The following DLGAP2 variants were observed in gnomAD, a reference collection of about 807,000 sequenced individuals.
DLGAP2 encodes disks large-associated protein 2.
A neutral mutation model predicts 100.3 loss-of-function variants in DLGAP2; 26 were observed. That is an observed-to-expected ratio of 0.26 (90% CI 0.19 to 0.36). DLGAP2 has a LOEUF of 0.36. Ranked by LOEUF, DLGAP2 falls within the 10% of genes least tolerant of loss-of-function variation. The pLI is 1.00. For missense variants in DLGAP2, 1,858 were observed against 1,453.2 expected (o/e 1.28, Z -4.53); for synonymous variants, 886 against 630.1 (o/e 1.41, Z -6.08).
chr8:1,453,269 G>T (rs1447847779), intron 3 of DLGAP2, among the ~76,000 whole-genome samples: 1 of 152,160 alleles, frequency 6.6e-6, no homozygotes, highest in Non-Finnish European at 1.5e-5. Context: ...GGTCAGGCTG[G>T]GGAGAAGCAG....
At chr8:1,481,128 C>T (rs1040917598) in intron 3 of DLGAP2, among the ~76,000 whole-genome samples, 13 of 151,976 alleles carry the variant, frequency 8.6e-5, no homozygotes, top group African/African-American at 2.7e-4. Context: ...GCCAAGATCA[C>T]ACCACTGAAC....
intron 1 of DLGAP2, among the ~76,000 whole-genome samples, chr8:898,452 C>A (rs1228749533): frequency 6.6e-6 from 1 of 152,222 alleles, no homozygotes; most frequent in African/African-American, 2.4e-5. Flanking sequence ...CTTACTGAGA[C>A]GCTTCATCCG....
At chr8:837,886 G>GTTTT (rs1250374583) in intron 1 of DLGAP2, among the ~76,000 whole-genome samples, 25 of 111,102 alleles carry the variant, frequency 2.3e-4, no homozygotes, top group African/African-American at 5.3e-4. Context: ...CCGGCTAGTT[G>GTTTT]TTTTTTGTTT....
At chr8:1,695,396 T>A (rs1480331403) in intron 13 of DLGAP2, among the ~76,000 whole-genome samples, 46 of 107,116 alleles carry the variant, frequency 4.3e-4, no homozygotes, top group African/African-American at 1.8e-3. Context: ...GGGCACAGCC[T>A]TACCCGGCCC....
intron 3 of DLGAP2, among the ~76,000 whole-genome samples, chr8:1,324,725 CAT>C (rs1209351540): frequency 6.6e-6 from 1 of 152,218 alleles, no homozygotes; most frequent in Non-Finnish European, 1.5e-5. Context: ...GAGGACTTAA[CAT>C]ATATGAGATA....
intron 4 of DLGAP2, among the ~76,000 whole-genome samples, chr8:1,505,398 C>G: frequency 6.6e-6 from 1 of 152,108 alleles, no homozygotes; most frequent in Non-Finnish European, 1.5e-5. Context: ...TTTTTTCCAA[C>G]TCCCCTCAGT....
chr8:879,377 G>C (rs1037451283), intron 1 of DLGAP2, among the ~76,000 whole-genome samples: 3 of 152,230 alleles, frequency 2.0e-5, no homozygotes, highest in African/African-American at 7.2e-5. Flanking sequence ...TTTACTTGAA[G>C]ATAGAGGTCC....
chr8:1,544,360 C>T (rs1801461676), intron 4 of DLGAP2, among the ~76,000 whole-genome samples: 1 of 152,188 alleles, frequency 6.6e-6, no homozygotes, highest in African/African-American at 2.4e-5. Context: ...TGCTCCTTTG[C>T]TGAGCAGCAG....
At chr8:1,623,743 G>C (rs1346811994) in intron 6 of DLGAP2, among the ~76,000 whole-genome samples, 1 of 152,256 alleles carries the variant, frequency 6.6e-6, no homozygotes, top group African/African-American at 2.4e-5. Flanking sequence ...ATAGGAGGAA[G>C]GTTGGGAAGA....
Position 1,282,801 on chromosome 8 carries a change from CGTG to C in DLGAP2, c.106+23919_106+23921del. Among the ~76,000 whole-genome samples the C allele has an allele frequency of 4.3e-5, 4 of 92,802 alleles. 1 individual carries two copies. The highest frequency in any genetic ancestry group is 1.0e-4 in the African/African-American group (2 of 19,998). The allele number at this position is 92,802 out of a possible 152,430, so 60.9% of individuals were successfully genotyped here. A position where few individuals can be genotyped will look rare whatever the true frequency, so the allele number is the denominator to read the frequency against. On this transcript the variant is annotated intron_variant, in intron 3 of 14. Coordinates refer to ENST00000637795, the MANE Select transcript of DLGAP2 (RefSeq NM_001346810.2). ...GACATGGTGTGACCTGAGCCCAGCA[CGTG>C]AACCATCTGGACATGGTGTGACCTG...
intron 2 of DLGAP2, among the ~76,000 whole-genome samples, chr8:1,170,647 C>T (rs1281838507): frequency 7.0e-6 from 1 of 142,886 alleles, no homozygotes; most frequent in African/African-American, 2.5e-5. Context: ...TCCATTTCTT[C>T]TAGATTTTCT....
At chr8:1,542,762 G>A (rs1185150145) in intron 4 of DLGAP2, among the ~76,000 whole-genome samples, 1 of 152,180 alleles carries the variant, frequency 6.6e-6, no homozygotes, top group Non-Finnish European at 1.5e-5. Context: ...CCTCGGAGTA[G>A]ACTCACTGGG....
At chr8:944,746 G>A (rs1182227529) in intron 2 of DLGAP2, among the ~76,000 whole-genome samples, 2 of 151,844 alleles carry the variant, frequency 1.3e-5, no homozygotes, top group Non-Finnish European at 2.9e-5. Flanking sequence ...CCCTGCAGGT[G>A]ATCTGGTGGG....
At chr8:1,437,420 T>C (rs141185596) in intron 3 of DLGAP2, among the ~76,000 whole-genome samples, 357 of 152,342 alleles carry the variant, frequency 2.3e-3, no homozygotes, top group Admixed American at 7.4e-3. Context: ...CTTGTAATGA[T>C]GGAACGTAGA....
intron 3 of DLGAP2, among the ~76,000 whole-genome samples, chr8:1,411,000 A>C (rs1218654968): frequency 6.6e-6 from 1 of 152,172 alleles, no homozygotes; most frequent in East Asian, 1.9e-4. Flanking sequence ...CTTGCCAGCT[A>C]AACTAATATT....
At chr8:1,530,337 GAA>G (rs1206862798) in intron 4 of DLGAP2, among the ~76,000 whole-genome samples, 1 of 152,170 alleles carries the variant, frequency 6.6e-6, no homozygotes, top group African/African-American at 2.4e-5. Context: ...GCTTTTGAAA[GAA>G]GAGAAATATG....
At chr8:1,072,078 C>T (rs185321543) in intron 2 of DLGAP2, among the ~76,000 whole-genome samples, 1 of 152,328 alleles carries the variant, frequency 6.6e-6, no homozygotes, top group African/African-American at 2.4e-5. Context: ...TGGCTCCGTC[C>T]TGCCATGAAG....
intron 2 of DLGAP2, among the ~76,000 whole-genome samples, chr8:1,081,354 A>G (rs1803801960): frequency 6.6e-6 from 1 of 152,200 alleles, no homozygotes; most frequent in Non-Finnish European, 1.5e-5. Flanking sequence ...GAAAGGTTTT[A>G]AGAGAAAGTT....
intron 3 of DLGAP2, among the ~76,000 whole-genome samples, chr8:1,462,683 G>C (rs545769986): frequency 1.4e-4 from 22 of 152,302 alleles, no homozygotes; most frequent in African/African-American, 5.1e-4. Context: ...CAGGCTGCCA[G>C]CGTGGGTGGC....
Sources: allele counts gnomAD v4.1 joint callset (sites outside exome capture counted in the v4.1 genomes callset), GRCh38; gene constraint gnomAD v4.1.1; transcripts MANE v1.5; gene names NCBI Gene and HGNC (gene_info 2026-07-23, HGNC 2026-07-21).